MAP1A: variants seen among roughly 807,000 people sequenced by gnomAD.
MAP1A encodes microtubule associated protein 1A.
A neutral mutation model predicts 185.9 loss-of-function variants in MAP1A; 42 were observed. That is an observed-to-expected ratio of 0.23 (90% confidence interval 0.18 to 0.29). The LOEUF is 0.29. Among genes scored for constraint, MAP1A ranks in the 10% least tolerant of loss-of-function variants. MAP1A has a pLI of 1.00. For missense variants in MAP1A, 2,995 were observed against 3,450.4 expected, an observed-to-expected ratio of 0.87 and a Z score of 3.31; for synonymous variants, 1,229 against 1,335.9, an observed-to-expected ratio of 0.92 and a Z score of 1.74.
At position 43,526,018 on chromosome 15, in the gene MAP1A, C is replaced by A; in HGVS notation, c.4545C>A (p.Val1515=). 1 of 1,613,424 alleles carries A rather than the reference C, an allele frequency of 6.2e-7. No homozygotes were observed. Among genetic ancestry groups the A allele is most frequent in the Non-Finnish European group, 8.5e-7 (1 of 1,179,916 alleles). The change falls in exon 4 of 6, where the codon GTC becomes GTA. Residue 1515 remains valine (V), a synonymous_variant. Transcript: ENST00000300231. The surrounding 1 kb of genome is among the most constrained non-coding windows in gnomAD (Gnocchi z 4.7). The part of the protein sequence containing the change: ...SVEHKAPEDT[V]AEMKDRDLEQ... Reference sequence around the variant, plus strand: ...AACATAAGGCTCCGGAGGACACGGTCGCTGAAATGAAGGACAGAGACCTAG... The same window carrying A: ...AACATAAGGCTCCGGAGGACACGGTAGCTGAAATGAAGGACAGAGACCTAG...
chr15:43,515,822 T>A (rs1247810403), upstream of MAP1A, among the ~76,000 whole-genome samples: 1 of 152,206 alleles, frequency 6.6e-6, no homozygotes, highest in Non-Finnish European at 1.5e-5. Flanking sequence ...CCTCTCTTTC[T>A]TCTTTGGCAT....
chr15:43,525,470 C>T lies in MAP1A; in HGVS notation c.3997C>T (p.Pro1333Ser), dbSNP rs2079339035. The part of the protein sequence containing the change: ...FSKSPESLPG[P>S]ALEDIAIKWE... The stretch of plus-strand genomic sequence containing the variant: ...CAAGAGTCCTGAGTCTTTGCCAGGC[C>T]CTGCCTTGGAGGACATTGCCATAAA... The change falls in exon 4 of 6, where the codon CCT becomes TCT. Residue 1333 changes from proline to serine, a missense_variant. Pro to Ser is a moderately conservative substitution (Grantham distance 74). Coordinates refer to ENST00000300231, the MANE Select transcript of MAP1A (RefSeq NM_002373.6). The T allele has an allele frequency of 6.2e-7, 1 of 1,614,224 alleles. No homozygotes were observed. The highest frequency in any genetic ancestry group is 8.5e-7 in the Non-Finnish European group (1 of 1,180,050).
At position 43,527,881 on chromosome 15, in the gene MAP1A, C is replaced by G; in HGVS notation, c.6408C>G (p.Pro2136=). 1 of 1,614,168 alleles carries G rather than the reference C, an allele frequency of 6.2e-7. No individual in the cohort carries two copies. The highest frequency in any genetic ancestry group is 1.3e-5 in the African/African-American group (1 of 75,050). ...SPPHPIPMGS[P]TLWPETEAHV... ...CTCACCCCATTCCTATGGGGTCCCC[C>G]ACATTATGGCCAGAAACTGAGGCAC... Residue 2136 remains proline, a synonymous_variant, in exon 4 of 6, where the codon CCC becomes CCG. Coordinates refer to ENST00000300231, the MANE Select transcript of MAP1A (RefSeq NM_002373.6).
Position 43,521,177 on chromosome 15 carries a change from G to A in MAP1A, c.-151+65G>A, listed in dbSNP as rs898823951. The A allele has an allele frequency of 8.0e-6, 12 of 1,502,280 alleles. No homozygotes were observed. The highest frequency in any genetic ancestry group is 2.2e-5 in the Admixed American group (1 of 46,328). The allele number at this position is 1,502,280 out of a possible 1,614,324, so 93.1% of individuals were successfully genotyped here. On this transcript the variant is annotated intron_variant, in intron 3 of 5. Transcript: ENST00000300231. This position sits in a 1 kb window ranked among gnomAD's most constrained non-coding sequence, Gnocchi z 4.6. ...CTAGAGCTGTGGGAGGGATCTAAGG[G>A]AAAGTCTCATATTGCATGACCATGG...
upstream of MAP1A, among the ~76,000 whole-genome samples, chr15:43,516,449 G>A (rs547975302): frequency 2.6e-5 from 4 of 152,312 alleles, no homozygotes; most frequent in Non-Finnish European, 5.9e-5. Flanking sequence ...GTGTTTGGGT[G>A]TGAGTGGGTG....
In MAP1A at chr15:43,525,717, T is replaced by C. The variant is rs781539530; in HGVS notation, c.4244T>C (p.Leu1415Ser). Residue 1415 changes from leucine to serine, a missense_variant, in exon 4 of 6, where the codon TTA becomes TCA. Leu to Ser is a moderately radical substitution (Grantham distance 145). Transcript: ENST00000300231. Reference sequence around the variant, plus strand: ...GCTTTAGAACAAAAGGGCAGAGACTTAGAGCAAAAAGACACAGCCCTAGAA... The same window carrying C: ...GCTTTAGAACAAAAGGGCAGAGACTCAGAGCAAAAAGACACAGCCCTAGAA... ...DKALEQKGRD[L>S]EQKDTALEQK... 1 of 1,614,080 alleles carries C rather than the reference T, an allele frequency of 6.2e-7. No homozygotes were observed. Among genetic ancestry groups the C allele is most frequent in the South Asian group, 1.1e-5 (1 of 91,072 alleles).
At chr15:43,511,957 C>T (rs1035002277) in intron 1 of MAP1A, among the ~76,000 whole-genome samples, 1 of 152,328 alleles carries the variant, frequency 6.6e-6, no homozygotes, top group African/African-American at 2.4e-5. Context: ...CGAGTTTAGT[C>T]TAAACTCTGT....
chr15:43,517,577 G>C (rs1185710740), upstream of MAP1A: 1 of 151,058 alleles, frequency 6.6e-6, no homozygotes, highest in Non-Finnish European at 1.4e-5. Context: ...TCCTCATCAA[G>C]CACCCCCCTC....
rs1030831212 is a variant in MAP1A, at chr15:43,529,953, A to G, written c.8256+83A>G. The stretch of plus-strand genomic sequence containing the variant: ...GTGGAACACAGTCCCTATTTATTAA[A>G]GGATGGGCCTTTTCTAAGGGCAGCA... On this transcript the variant is annotated intron_variant, in intron 5 of 5. Transcript: ENST00000300231. The surrounding 1 kb of genome is among the most constrained non-coding windows in gnomAD (Gnocchi z 4.3). 8 of 1,557,144 alleles carry G rather than the reference A, an allele frequency of 5.1e-6. No individual in the cohort carries two copies. Among genetic ancestry groups the G allele is most frequent in the Non-Finnish European group, 6.2e-6 (7 of 1,135,540 alleles).
At position 43,517,637 on chromosome 15, in the gene MAP1A, C is replaced by G; in HGVS notation, c.-438C>G. ...CCACCCTAAGTGCTGCAGACTCTTC[C>G]CTGAAGCTGCCGGCTGAGGCCGGAG... is the stretch of plus-strand genomic sequence containing the variant. On this transcript the variant is annotated 5_prime_UTR_variant, in exon 1 of 6. Transcript: ENST00000300231. 1 of 959,428 alleles carries G rather than the reference C, an allele frequency of 1.0e-6. No homozygotes were observed. Among genetic ancestry groups the G allele is most frequent in the South Asian group, 5.0e-5 (1 of 20,082 alleles). 59.4% of individuals were successfully genotyped at this position (959,428 alleles called of 1,614,324 possible). A position where few individuals can be genotyped will look rare whatever the true frequency, so the allele number is the denominator to read the frequency against.
rs748470036 is a variant in MAP1A, at chr15:43,527,522, C to A, written c.6049C>A (p.Leu2017Ile). The change falls in exon 4 of 6, where the codon CTT becomes ATT. Residue 2017 changes from leucine (L) to isoleucine (I), a missense_variant. Transcript: ENST00000300231. The stretch of plus-strand genomic sequence containing the variant: ...CCGAAACACATCTGCAGAGAAGGAG[C>A]TTTCATCTCCTATCTCACCCAAGAG... Reference protein sequence around the residue: ...AGRNTSAEKELSSPISPKSLQ... With the variant: ...AGRNTSAEKEISSPISPKSLQ... 6 of 1,614,078 alleles carry A rather than the reference C, an allele frequency of 3.7e-6. No individual in the cohort carries two copies. Among genetic ancestry groups the A allele is most frequent in the Admixed American group, 3.3e-5 (2 of 60,020 alleles).
In MAP1A at chr15:43,522,561, CAA is replaced by C; in HGVS notation, c.1091_1092del (p.Lys364ArgfsTer4). ...GAGTTAGCCAAGACAGAGAAGAAGG[CAA>C]AAGAGTCATCTGAGAAGCCCCCAGA... On this transcript the variant is annotated frameshift_variant, in exon 4 of 6. Transcript: ENST00000300231. LOFTEE classifies it high-confidence loss of function. This position sits in a 1 kb window ranked among gnomAD's most constrained non-coding sequence, Gnocchi z 5.9. 1 of 1,610,886 alleles carries C rather than the reference CAA, an allele frequency of 6.2e-7. No individual in the cohort carries two copies. The highest frequency in any genetic ancestry group is 8.5e-7 in the Non-Finnish European group (1 of 1,178,376).
At position 43,529,409 on chromosome 15, in the gene MAP1A, C is replaced by A; in HGVS notation, c.7936C>A (p.Arg2646=). 3.1e-6 allele frequency: 5 copies of A among 1,613,882 alleles called. No individual in the cohort carries two copies. Among genetic ancestry groups the A allele is most frequent in the Non-Finnish European group, 4.2e-6 (5 of 1,180,018 alleles). ...AGATCGAGCATCCCGGGCCCCACCT[C>A]GACCACGCAGCACCACAAGCCAGGT... ...PADRASRAPP[R]PRSTTSQVTP... is the part of the protein sequence containing the mutation. Residue 2646 remains arginine, a synonymous_variant, in exon 4 of 6, where the codon CGA becomes AGA. Coordinates refer to ENST00000300231, the MANE Select transcript of MAP1A (RefSeq NM_002373.6). The surrounding 1 kb of genome is among the most constrained non-coding windows in gnomAD (Gnocchi z 4.3).
Position 43,526,504 on chromosome 15 carries a change from G to A in MAP1A, c.5031G>A (p.Glu1677=). The part of the protein sequence containing the change: ...LAPAWEDTSP[E]QDNRYWRGRE... ...CGGCATGGGAGGACACATCTCCTGA[G>A]CAGGACAATAGGTATTGGAGGGGCA... The change falls in exon 4 of 6, where the codon GAG becomes GAA. Residue 1677 remains glutamate (E), a synonymous_variant. Transcript: ENST00000300231. This position sits in a 1 kb window ranked among gnomAD's most constrained non-coding sequence, Gnocchi z 4.7. The A allele has an allele frequency of 6.2e-7, 1 of 1,614,140 alleles. No individual in the cohort carries two copies. Among genetic ancestry groups the A allele is most frequent in the South Asian group, 1.1e-5 (1 of 91,074 alleles).
chr15:43,527,972 G>C lies in MAP1A; in HGVS notation c.6499G>C (p.Ala2167Pro). ...ARPSLDFPAS[A>P]FGFSSLQPAP... Reference sequence around the variant, plus strand: ...ACCCAGTCTGGACTTCCCTGCTTCAGCCTTTGGCTTCTCCTCATTGCAGCC... The same window carrying C: ...ACCCAGTCTGGACTTCCCTGCTTCACCCTTTGGCTTCTCCTCATTGCAGCC... Residue 2167 changes from alanine to proline, a missense_variant, in exon 4 of 6, where the codon GCC becomes CCC. Ala to Pro is a conservative substitution (Grantham distance 27). This residue lies in a region of MAP1A where 2,728 missense variants were observed against 2,986.0 expected (regional missense o/e 0.91). Transcript: ENST00000300231. 1 of 1,614,012 alleles carries C rather than the reference G, an allele frequency of 6.2e-7. No individual in the cohort carries two copies. The highest frequency in any genetic ancestry group is 8.5e-7 in the Non-Finnish European group (1 of 1,180,024).
Position 43,527,343 on chromosome 15 carries a change from C to T in MAP1A, c.5870C>T (p.Thr1957Ile). 6.2e-7 allele frequency: 1 copy of T among 1,614,210 alleles called. No homozygotes were observed. Among genetic ancestry groups the T allele is most frequent in the Non-Finnish European group, 8.5e-7 (1 of 1,180,022 alleles). ...ACTGAGCCGGAGCAGAGAGAGCCCA[C>T]ACCCTATCCTGATGAGAGAAGCTTT... The part of the protein sequence containing the change: ...EQTEPEQREP[T>I]PYPDERSFQY... Residue 1957 changes from threonine (T) to isoleucine (I), a missense_variant, in exon 4 of 6, where the codon ACA (threonine) becomes ATA (isoleucine). Physicochemically the swap from Thr to Ile is moderately conservative, Grantham distance 89. Transcript: ENST00000300231.
rs765380060 is a variant in MAP1A at position 43,522,885 on chromosome 15, T to A, written c.1412T>A (p.Val471Glu). ...GACCTAAAGCCCTTTACTCCTGAGG[T>A]ACGTAAGACCCTCTATAAAGCCAAG... ...KPDLKPFTPE[V>E]RKTLYKAKVP... The change falls in exon 4 of 6, where the codon GTA becomes GAA. Residue 471 changes from valine (V) to glutamate (E), a missense_variant. Physicochemically the swap from Val to Glu is moderately radical, Grantham distance 121 (BLOSUM62 -2). Transcript: ENST00000300231. This position sits in a 1 kb window ranked among gnomAD's most constrained non-coding sequence, Gnocchi z 5.9. The A allele has an allele frequency of 6.2e-7, 1 of 1,611,262 alleles. No homozygotes were observed. The highest frequency in any genetic ancestry group is 1.1e-5 in the South Asian group (1 of 90,618).
rs1369033126 is a variant in MAP1A, at chr15:43,525,214, T to C, written c.3741T>C (p.Ser1247=). Residue 1247 remains serine (S), a synonymous_variant, in exon 4 of 6, where the codon TCT becomes TCC. Coordinates refer to ENST00000300231, the MANE Select transcript of MAP1A (RefSeq NM_002373.6). ...MGHLMQAEDT[S]HHTAPMSVPE... is the part of the protein sequence containing the mutation. The stretch of plus-strand genomic sequence containing the variant: ...ATCTGATGCAGGCCGAGGATACCTC[T>C]CACCACACAGCTCCCATGTCTGTTC... 1 of 1,613,932 alleles carries C rather than the reference T, an allele frequency of 6.2e-7. No individual in the cohort carries two copies. Among genetic ancestry groups the C allele is most frequent in the Non-Finnish European group, 8.5e-7 (1 of 1,180,006 alleles).
rs2079335484 is a variant in MAP1A, at chr15:43,524,784, A to G, written c.3311A>G (p.Glu1104Gly). The G allele has an allele frequency of 6.2e-7, 1 of 1,614,022 alleles. No individual in the cohort carries two copies. The highest frequency in any genetic ancestry group is 1.3e-5 in the African/African-American group (1 of 74,896). The change falls in exon 4 of 6, where the codon GAG becomes GGG. Residue 1104 changes from glutamate (E) to glycine (G), a missense_variant. Physicochemically the swap from Glu to Gly is moderately conservative, Grantham distance 98. Transcript: ENST00000300231. ...AAAGCAATAGTCTTTGAGATTATGG[A>G]GGCAGGAGAGCCCACAGGCCCAATT... Reference protein sequence around the residue: ...QDKAIVFEIMEAGEPTGPILG... With the variant: ...QDKAIVFEIMGAGEPTGPILG...
Sources: gnomAD v4.1 joint callset for allele counts (sites outside exome capture counted in the v4.1 genomes callset) on GRCh38, gnomAD v4.1.1 for gene constraint, gnomAD v4.1.1 regional missense constraint, Gnocchi (gnomAD v3.1) non-coding constraint, MANE v1.5 for transcripts, NCBI Gene and HGNC (gene_info 2026-07-23, HGNC 2026-07-21) for gene names.